Variants in GALNT17 observed in about 807,000 individuals in gnomAD.
GALNT17 encodes the protein polypeptide N-acetylgalactosaminyltransferase 17, also known as UDP-GalNAc:polypeptide N-acetylgalactosaminyltransferase-like 3.
GALNT17 carries 29 observed loss-of-function variants against 63.7 expected under a neutral mutation model. The ratio of observed to expected loss-of-function variants is 0.46; its 90% CI spans 0.34 to 0.62. GALNT17 has a LOEUF of 0.62. GALNT17 is among the 20% of genes least tolerant of loss of function. The probability of loss-of-function intolerance (pLI) is 0.01; values close to 1 mark genes in which losing one functional copy is unlikely to be tolerated. For synonymous variants in GALNT17, 305 were observed against 318.3 expected, an observed-to-expected ratio of 0.96 and a Z score of 0.45; for missense variants, 603 against 799.6, an observed-to-expected ratio of 0.75 and a Z score of 2.97.
intron 5 of GALNT17, among the ~76,000 whole-genome samples, chr7:71,566,295 G>C (rs1044897829): frequency 6.6e-6 from 1 of 152,204 alleles, no homozygotes; most frequent in African/African-American, 2.4e-5. Context: ...CGCTTTGGGA[G>C]AGTTTGTGGC....
intron 5 of GALNT17, among the ~76,000 whole-genome samples, chr7:71,438,885 CTTTTTTTTTT>C (rs199548314): frequency 7.2e-6 from 1 of 138,256 alleles, no homozygotes; most frequent in Non-Finnish European, 1.6e-5. Flanking sequence ...AAAAGATAGA[CTTTTTTTTTT>C]TTTTTTGGAG....
In GALNT17 at chr7:71,472,775, G is replaced by T. The variant is rs555123442; in HGVS notation, c.962+51670G>T. The stretch of plus-strand genomic sequence containing the variant: ...TCATATTATAACAGTGTTGCACAAT[G>T]GACCCTCAGTCCAAATAATCCTTCT... On this transcript the variant is annotated intron_variant, in intron 5 of 10. Coordinates refer to ENST00000333538, the MANE Select transcript of GALNT17 (RefSeq NM_022479.3). 3.9e-5 allele frequency among the ~76,000 whole-genome samples: 6 copies of T among 152,284 alleles called. No homozygotes were observed. In the East Asian group the frequency reaches 7.7e-4, roughly 20 times the overall value.
intron 1 of GALNT17, among the ~76,000 whole-genome samples, chr7:71,290,478 T>A (rs1790960237): frequency 6.6e-6 from 1 of 152,002 alleles, no homozygotes; most frequent in Non-Finnish European, 1.5e-5. Flanking sequence ...GTAGGAACCT[T>A]GGGGAGGGAG....
chr7:71,243,019 T>G (rs1001801213), intron 1 of GALNT17, among the ~76,000 whole-genome samples: 4 of 152,208 alleles, frequency 2.6e-5, no homozygotes, highest in African/African-American at 9.6e-5. Context: ...CCCACCCAAA[T>G]CTCATCTTGA....
At chr7:71,677,371 A>G in intron 9 of GALNT17, 65 bp downstream of exon 9, 2 of 1,481,800 alleles carry the variant, frequency 1.3e-6, no homozygotes, top group Non-Finnish European at 1.8e-6. Context: ...GAGGCCTTGC[A>G]GGCCTTCTGG....
chr7:71,246,522 A>G (rs1023224282), intron 1 of GALNT17, among the ~76,000 whole-genome samples: 6 of 151,670 alleles, frequency 4.0e-5, no homozygotes, highest in African/African-American at 1.5e-4. Flanking sequence ...ATAGACTGCT[A>G]TACATTCATT....
At chr7:71,599,184 T>C (rs1789930222) in intron 6 of GALNT17, among the ~76,000 whole-genome samples, 1 of 152,056 alleles carries the variant, frequency 6.6e-6, no homozygotes, top group Non-Finnish European at 1.5e-5. Context: ...TGAGAAATCA[T>C]TGAAGGGAGA....
chr7:71,540,092 C>CATTTTTTTT (rs1202520298), intron 5 of GALNT17, among the ~76,000 whole-genome samples: 9 of 59,950 alleles, frequency 1.5e-4, no homozygotes, highest in Non-Finnish European at 2.6e-4. Context: ...CTGTGCCTGG[C>CATTTTTTTT]CTTTTTTTTT....
intron 5 of GALNT17, among the ~76,000 whole-genome samples, chr7:71,472,790 AT>A (rs1377081133): frequency 1.3e-5 from 2 of 152,226 alleles, no homozygotes; most frequent in African/African-American, 2.4e-5. Flanking sequence ...CTCAGTCCAA[AT>A]AATCCTTCTT....
intron 5 of GALNT17, among the ~76,000 whole-genome samples, chr7:71,514,278 G>A (rs1211640999): frequency 1.3e-5 from 2 of 152,180 alleles, no homozygotes; most frequent in African/African-American, 2.4e-5. Context: ...CACTGGCGCA[G>A]CTGGGAACGA....
rs182861504 is a variant in GALNT17, at chr7:71,166,722, A to T, written c.238+33682A>T. ...TATATGGCTATACCACAGTTTGTTT[A>T]CCCATTCTCTTGTTGAGGGCCATGT... is the stretch of plus-strand genomic sequence containing the variant. On this transcript the variant is annotated intron_variant, in intron 1 of 10. Coordinates refer to ENST00000333538, the MANE Select transcript of GALNT17 (RefSeq NM_022479.3). Among the ~76,000 whole-genome samples, 86 of 152,206 alleles carry T rather than the reference A, an allele frequency of 5.7e-4. 1 individual carries two copies. Among genetic ancestry groups the T allele is most frequent in the Non-Finnish European group, 1.8e-4 (12 of 68,002 alleles).
chr7:71,705,116 G>T (rs1463135063), intron 9 of GALNT17, among the ~76,000 whole-genome samples: 2 of 152,070 alleles, frequency 1.3e-5, no homozygotes, highest in Non-Finnish European at 2.9e-5. Context: ...TCATATGTCA[G>T]AAAAATGTCT....
rs2091792 is a variant in GALNT17 at position 71,322,323 on chromosome 7, A to C, written c.239-13227A>C. Among the ~76,000 whole-genome samples the C allele has an allele frequency of 6.6e-5, 10 of 151,952 alleles. No homozygotes were observed. The East Asian group carries it at 1.9e-3, about 30-fold the overall frequency. ...TCAAATTAAATAACCTTTGTAGAGCAATTCCAGGAAGTATAAAGTTCATAA... is the reference window on the plus strand; with the variant it reads ...TCAAATTAAATAACCTTTGTAGAGCCATTCCAGGAAGTATAAAGTTCATAA... On this transcript the variant is annotated intron_variant, in intron 1 of 10. Coordinates refer to ENST00000333538, the MANE Select transcript of GALNT17 (RefSeq NM_022479.3).
intron 6 of GALNT17, among the ~76,000 whole-genome samples, chr7:71,597,340 A>G (rs543393010): frequency 1.3e-3 from 204 of 152,070 alleles, no homozygotes; most frequent in Non-Finnish European, 2.4e-3. Flanking sequence ...TGCCCGGCCT[A>G]CAAAAAAGTT....
At chr7:71,572,504 TAAAAAAAAAA>T (rs371372359) in intron 6 of GALNT17, among the ~76,000 whole-genome samples, 1 of 44,502 alleles carries the variant, frequency 2.2e-5, no homozygotes, top group Non-Finnish European at 3.7e-5. Flanking sequence ...CCTGTCTCAT[TAAAAAAAAAA>T]AAAAAAAAAA....
chr7:71,176,799 C>T (rs1029271833), intron 1 of GALNT17, among the ~76,000 whole-genome samples: 2 of 152,130 alleles, frequency 1.3e-5, no homozygotes, highest in Non-Finnish European at 2.9e-5. Context: ...TATTTGCTTC[C>T]CTCCGTGGAG....
rs545592954 is a variant in GALNT17, at chr7:71,673,899, A to G, written c.1405-3312A>G. Among the ~76,000 whole-genome samples the G allele has an allele frequency of 8.5e-5, 13 of 152,332 alleles. No individual in the cohort carries two copies. The South Asian group carries it at 2.3e-3, about 27-fold the overall frequency. ...CTCCCGAGTATCTGGGGCTATAGGC[A>G]TAAACCACTTAGGCTAGAAGGCTGC... On this transcript the variant is annotated intron_variant, in intron 8 of 10. Coordinates refer to ENST00000333538, the MANE Select transcript of GALNT17 (RefSeq NM_022479.3).
chr7:71,456,348 G>T (rs183837957), intron 5 of GALNT17, among the ~76,000 whole-genome samples: 1 of 152,026 alleles, frequency 6.6e-6, no homozygotes, highest in East Asian at 1.9e-4. Context: ...TTTATAATTC[G>T]AAAATCAAGT....
At chr7:71,327,621 AG>A (rs1791727272) in intron 1 of GALNT17, among the ~76,000 whole-genome samples, 1 of 152,166 alleles carries the variant, frequency 6.6e-6, no homozygotes, top group African/African-American at 2.4e-5. Context: ...GGCAGGAGAC[AG>A]GTAGCACACT....
Sources: gnomAD v4.1 joint callset for allele counts (sites outside exome capture counted in the v4.1 genomes callset) on GRCh38, gnomAD v4.1.1 for gene constraint, MANE v1.5 for transcripts, NCBI Gene and HGNC (gene_info 2026-07-23, HGNC 2026-07-21) for gene names.